DTNA: variants seen among roughly 807,000 people sequenced by gnomAD.
The protein encoded by DTNA is dystrobrevin alpha.
In DTNA, 43 loss-of-function variants were observed where a neutral mutation model predicts 100.7. The ratio of observed to expected loss-of-function variants is 0.43; its 90% CI spans 0.33 to 0.55. DTNA has a LOEUF of 0.55. DTNA is among the 20% of genes least tolerant of loss of function. The probability of loss-of-function intolerance (pLI) is 0.04; values close to 1 mark genes in which losing one functional copy is unlikely to be tolerated. For missense variants in DTNA, 798 were observed against 953.9 expected, an observed-to-expected ratio of 0.84 and a Z score of 2.15; for synonymous variants, 349 against 347.9, an observed-to-expected ratio of 1.00 and a Z score of -0.04.
At chr18:34,795,889 C>T (rs765575826) in intron 4 of DTNA, among the ~76,000 whole-genome samples, 2 of 152,116 alleles carry the variant, frequency 1.3e-5, no homozygotes, top group African/African-American at 2.4e-5. Context: ...TTTGCTAGAT[C>T]ACTTCTAAAT....
intron 1 of DTNA, among the ~76,000 whole-genome samples, chr18:34,532,050 C>T (rs2043190654): frequency 6.6e-6 from 1 of 151,958 alleles, no homozygotes; most frequent in Admixed American, 6.6e-5. Context: ...AGAGTACCTC[C>T]TAGGTGAGGT....
upstream of DTNA, among the ~76,000 whole-genome samples, chr18:34,705,363 C>G (rs2081985143): frequency 6.6e-6 from 1 of 152,110 alleles, no homozygotes; most frequent in Non-Finnish European, 1.5e-5. Context: ...CCATTCCTGA[C>G]TTGGACTCCA....
intron 3 of DTNA, among the ~76,000 whole-genome samples, chr18:34,779,295 A>C (rs1035249166): frequency 2.6e-5 from 4 of 152,222 alleles, no homozygotes; most frequent in African/African-American, 9.6e-5. Flanking sequence ...ATTCATGTGC[A>C]GATGGGTTCA....
rs111426989 is a variant in DTNA at position 34,852,932 on chromosome 18, A to G, written c.1532+1004A>G. On this transcript the variant is annotated intron_variant, in intron 15 of 22. Transcript: ENST00000444659. Reference sequence around the variant, plus strand: ...TCACTTATCACTATCTGAAATAATCATGTGTGTTTGTTTCTTCGTTTATTG... The same window carrying G: ...TCACTTATCACTATCTGAAATAATCGTGTGTGTTTGTTTCTTCGTTTATTG... Among the ~76,000 whole-genome samples the G allele has an allele frequency of 5.0e-4, 76 of 152,222 alleles. 1 individual carries two copies. The highest frequency in any genetic ancestry group is 1.8e-3 in the African/African-American group (75 of 41,532).
intron 15 of DTNA, among the ~76,000 whole-genome samples, chr18:34,855,015 C>T (rs1175830661): frequency 6.6e-6 from 1 of 152,132 alleles, no homozygotes; most frequent in African/African-American, 2.4e-5. Flanking sequence ...CCCACTTCAC[C>T]ATCATTGTGG....
Position 34,880,203 on chromosome 18 carries a change from G to C in DTNA, c.2162+484G>C, listed in dbSNP as rs62097232. 7.9e-3 allele frequency among the ~76,000 whole-genome samples: 1,202 copies of C among 152,314 alleles called. 6 individuals carry two copies. Among genetic ancestry groups the C allele is most frequent in the Non-Finnish European group, 0.013 (861 of 68,028 alleles). On this transcript the variant is annotated intron_variant, in intron 20 of 22. Transcript: ENST00000444659. ...TAAAATCTCATTATAAAGAAATCCA[G>C]TTTGGTTGACTTGTTGAATTTGTAT... is the stretch of plus-strand genomic sequence containing the variant.
intron 1 of DTNA, among the ~76,000 whole-genome samples, chr18:34,719,754 A>C (rs1264775710): frequency 6.6e-6 from 1 of 152,218 alleles, no homozygotes; most frequent in Non-Finnish European, 1.5e-5. Context: ...GATTTTTCTT[A>C]TGTAAAGTGT....
upstream of DTNA, among the ~76,000 whole-genome samples, chr18:34,705,954 AT>A (rs888131128): frequency 5.7e-4 from 87 of 151,602 alleles, no homozygotes; most frequent in African/African-American, 2.1e-3. Context: ...ATTATTCTGA[AT>A]TTTTTTTTCG....
intron 1 of DTNA, among the ~76,000 whole-genome samples, chr18:34,531,068 G>T (rs1317741481): frequency 6.6e-6 from 1 of 152,134 alleles, no homozygotes; most frequent in East Asian, 1.9e-4. Flanking sequence ...TGAGGTAGAG[G>T]TGATTACACA....
chr18:34,858,552 G>T (rs538294784), intron 16 of DTNA, among the ~76,000 whole-genome samples, 154 bp downstream of exon 16: 9 of 152,298 alleles, frequency 5.9e-5, no homozygotes, highest in South Asian at 4.1e-4. Flanking sequence ...ATATTTGGGG[G>T]ATTTAGAGAG....
chr18:34,734,038 A>G (rs1239441905), intron 1 of DTNA, among the ~76,000 whole-genome samples: 2 of 152,130 alleles, frequency 1.3e-5, no homozygotes, highest in African/African-American at 2.4e-5. Flanking sequence ...TTTTGTTTAT[A>G]TAAATTGAAG....
chr18:34,752,912 A>G (rs2092441485), intron 1 of DTNA, among the ~76,000 whole-genome samples: 1 of 152,244 alleles, frequency 6.6e-6, no homozygotes, highest in South Asian at 2.1e-4. Context: ...TAGATTATAA[A>G]CAATGTAAAT....
At chr18:34,729,652 CA>C (rs1352094837) in intron 1 of DTNA, among the ~76,000 whole-genome samples, 1 of 152,130 alleles carries the variant, frequency 6.6e-6, no homozygotes, top group East Asian at 1.9e-4. Context: ...AGGCTGGGCA[CA>C]TTCCATATTG....
chr18:34,543,981 C>T lies in DTNA; in HGVS notation c.-2+50467C>T, dbSNP rs544457906. 4.6e-5 allele frequency among the ~76,000 whole-genome samples: 7 copies of T among 152,158 alleles called. No individual in the cohort carries two copies. The South Asian group carries it at 1.5e-3, about 32-fold the overall frequency. On this transcript the variant is annotated intron_variant, in intron 1 of 19. Coordinates refer to the DTNA transcript ENST00000283365. ...AGAGCCAGCTGTTAACTTCAAGAGGCAGTTGCAAAGAGTGACAGCTGTGAA... is the reference window on the plus strand; with the variant it reads ...AGAGCCAGCTGTTAACTTCAAGAGGTAGTTGCAAAGAGTGACAGCTGTGAA...
intron 1 of DTNA, among the ~76,000 whole-genome samples, chr18:34,680,104 T>A (rs934743664): frequency 7.2e-5 from 11 of 152,062 alleles, no homozygotes; most frequent in African/African-American, 2.4e-4. Flanking sequence ...ATTGGGAGGT[T>A]TTGCTTAGAA....
intron 1 of DTNA, among the ~76,000 whole-genome samples, chr18:34,745,529 C>G (rs941616841): frequency 6.6e-6 from 1 of 152,184 alleles, no homozygotes; most frequent in Non-Finnish European, 1.5e-5. Flanking sequence ...GTGGGATTTT[C>G]AGGATGCGAG....
At chr18:34,559,257 T>TA (rs1448223554) in intron 1 of DTNA, among the ~76,000 whole-genome samples, 2 of 152,266 alleles carry the variant, frequency 1.3e-5, no homozygotes, top group Non-Finnish European at 2.9e-5. Context: ...CAAAGTTATT[T>TA]AAAATTCAAA....
intron 1 of DTNA, among the ~76,000 whole-genome samples, chr18:34,628,218 C>T (rs1231171736): frequency 1.3e-5 from 2 of 152,246 alleles, no homozygotes; most frequent in Non-Finnish European, 2.9e-5. Context: ...TAAAATCCTT[C>T]TTATGCATTC....
At chr18:34,571,469 G>C (rs1431924193) in intron 1 of DTNA, among the ~76,000 whole-genome samples, 1 of 152,088 alleles carries the variant, frequency 6.6e-6, no homozygotes, top group Admixed American at 6.5e-5. Flanking sequence ...GACTGAGTGT[G>C]GTGGCTCACC....
Sources: allele counts gnomAD v4.1 joint callset (sites outside exome capture counted in the v4.1 genomes callset), GRCh38; gene constraint gnomAD v4.1.1; transcripts MANE v1.5; gene names NCBI Gene and HGNC (gene_info 2026-07-23, HGNC 2026-07-21).